Variants in SLX4IP observed in about 807,000 individuals in gnomAD.
SLX4IP encodes protein SLX4IP.
A neutral mutation model predicts 32.9 loss-of-function variants in SLX4IP; 34 were observed. That is an observed-to-expected ratio of 1.03 (90% CI 0.79 to 1.38). The LOEUF is 1.38. SLX4IP is among the 40% of genes most tolerant of loss of function. The probability of loss-of-function intolerance (pLI) is 0.00; values close to 1 mark genes in which losing one functional copy is unlikely to be tolerated. For synonymous variants in SLX4IP, 172 were observed against 171.7 expected (o/e 1.00, Z -0.01); for missense variants, 444 against 479.0 (o/e 0.93, Z 0.68).
chr20:10,532,909 G>A lies in SLX4IP; in HGVS notation c.28-23322G>A, dbSNP rs563381203. On this transcript the variant is annotated intron_variant, in intron 2 of 7. Transcript: ENST00000334534. ...TCCTGCCTCAGCCTCCCAAGTAACT[G>A]AGATTACAGATGTCTGCCACTATGC... 2.6e-5 allele frequency among the ~76,000 whole-genome samples: 4 copies of A among 151,934 alleles called. No individual in the cohort carries two copies. The South Asian group carries it at 8.3e-4, about 32-fold the overall frequency.
At chr20:10,590,625 T>G (rs141821623) in intron 4 of SLX4IP, among the ~76,000 whole-genome samples, 163 of 152,266 alleles carry the variant, frequency 1.1e-3, no homozygotes, top group Middle Eastern at 0.01. Flanking sequence ...CCTCTCAAAG[T>G]GCTAGAATTA....
intron 4 of SLX4IP, among the ~76,000 whole-genome samples, chr20:10,585,944 T>C (rs576923404): frequency 5.3e-5 from 8 of 152,256 alleles, no homozygotes; most frequent in Non-Finnish European, 8.8e-5. Context: ...AGAAATCTCA[T>C]TGATCCTCAT....
At chr20:10,475,214 G>A (rs1367993369) in intron 2 of SLX4IP, among the ~76,000 whole-genome samples, 1 of 152,208 alleles carries the variant, frequency 6.6e-6, no homozygotes, top group East Asian at 1.9e-4. Flanking sequence ...GGTGTATTGA[G>A]GTCATGCATA....
intron 2 of SLX4IP, among the ~76,000 whole-genome samples, chr20:10,462,454 T>A (rs975672621): frequency 1.3e-5 from 2 of 152,116 alleles, no homozygotes; most frequent in African/African-American, 2.4e-5. Context: ...AGACAGAGAA[T>A]CAAGAATCAG....
At chr20:10,458,319 A>T (rs1250197758) in intron 2 of SLX4IP, 88 bp downstream of exon 2, 8 of 1,343,644 alleles carry the variant, frequency 6.0e-6, no homozygotes, top group Non-Finnish European at 8.1e-6. Flanking sequence ...CGAGGTTCCT[A>T]ACTTTCTGCT....
intron 2 of SLX4IP, among the ~76,000 whole-genome samples, chr20:10,490,660 A>G (rs979408031): frequency 3.3e-5 from 5 of 152,028 alleles, no homozygotes. Context: ...TTGAAACCCA[A>G]CCCATCTGTG....
chr20:10,528,718 G>A (rs915540959), intron 2 of SLX4IP, among the ~76,000 whole-genome samples: 3 of 152,128 alleles, frequency 2.0e-5, no homozygotes, highest in Non-Finnish European at 4.4e-5. Context: ...AGACTCAGAA[G>A]AGAAAATCTT....
intron 2 of SLX4IP, among the ~76,000 whole-genome samples, chr20:10,486,363 A>G (rs1306327686): frequency 1.3e-5 from 2 of 152,114 alleles, no homozygotes; most frequent in Non-Finnish European, 2.9e-5. Flanking sequence ...TTAGACTATT[A>G]GAACGGTAGT....
chr20:10,510,602 T>TA, intron 2 of SLX4IP, among the ~76,000 whole-genome samples: 5 of 129,598 alleles, frequency 3.9e-5, no homozygotes, highest in African/African-American at 1.3e-4. Flanking sequence ...TTATTATTAT[T>TA]TTTATTATTT....
At chr20:10,518,297 C>T (rs1000404695) in intron 2 of SLX4IP, among the ~76,000 whole-genome samples, 6 of 152,214 alleles carry the variant, frequency 3.9e-5, no homozygotes, top group South Asian at 2.1e-4. Context: ...TGAGTCTTGA[C>T]GCTCTGGATG....
rs756656585 is a variant in SLX4IP, at chr20:10,616,386, A to AAATTAAAT, written c.406-4926_406-4925insTTAAATAA. 2.3e-3 allele frequency among the ~76,000 whole-genome samples: 257 copies of AAATTAAAT among 111,150 alleles called. 1 individual carries two copies. The highest frequency in any genetic ancestry group is 3.3e-3 in the Non-Finnish European group (189 of 56,446). 72.9% of individuals were successfully genotyped at this position (111,150 alleles called of 152,430 possible). A position where few individuals can be genotyped will look rare whatever the true frequency, so the allele number is the denominator to read the frequency against. ...TTTAAAATGTCAAGTCCCAAAAAAA[A>AAATTAAAT]AAATGAAATAAATAAATAAATAAAT... On this transcript the variant is annotated intron_variant, in intron 6 of 7. Transcript: ENST00000334534.
At chr20:10,608,826 T>G (rs1244878640) in intron 6 of SLX4IP, among the ~76,000 whole-genome samples, 1 of 152,168 alleles carries the variant, frequency 6.6e-6, no homozygotes, top group East Asian at 1.9e-4. Flanking sequence ...TTCTCCTTCC[T>G]GCTTGAAAGG....
intron 2 of SLX4IP, among the ~76,000 whole-genome samples, chr20:10,523,043 C>G (rs1290869797): frequency 6.6e-6 from 1 of 152,122 alleles, no homozygotes; most frequent in Non-Finnish European, 1.5e-5. Flanking sequence ...TCTTCCCTGC[C>G]TTTGCTTGAC....
intron 2 of SLX4IP, among the ~76,000 whole-genome samples, chr20:10,487,718 G>C (rs771223596): frequency 2.6e-5 from 4 of 152,156 alleles, no homozygotes; most frequent in Non-Finnish European, 4.4e-5. Context: ...TGAGATGCTC[G>C]AGAGGGCGGT....
At chr20:10,558,341 C>CAAAAAAAA (rs36028561) in intron 3 of SLX4IP, among the ~76,000 whole-genome samples, 2 of 79,544 alleles carry the variant, frequency 2.5e-5, no homozygotes, top group African/African-American at 5.1e-5. Context: ...GACCCTGTCT[C>CAAAAAAAA]AAAAAAAAAA....
chr20:10,516,714 T>G (rs1438091198), intron 2 of SLX4IP, among the ~76,000 whole-genome samples: 1 of 152,220 alleles, frequency 6.6e-6, no homozygotes, highest in Non-Finnish European at 1.5e-5. Flanking sequence ...TGCTGTGATT[T>G]TTTTCAGAAG....
At chr20:10,533,938 A>T (rs551001878) in intron 2 of SLX4IP, among the ~76,000 whole-genome samples, 3 of 150,954 alleles carry the variant, frequency 2.0e-5, no homozygotes, top group Admixed American at 2.0e-4. Context: ...TTTTTAAAAA[A>T]TTTTCACCAT....
intron 6 of SLX4IP, among the ~76,000 whole-genome samples, chr20:10,619,224 T>C (rs1460815835): frequency 1.3e-5 from 2 of 150,216 alleles, no homozygotes; most frequent in East Asian, 1.9e-4. Context: ...TTTCTTTTTT[T>C]TTTTTTTTTG....
chr20:10,616,969 C>T (rs1382924050), intron 6 of SLX4IP, among the ~76,000 whole-genome samples: 1 of 152,188 alleles, frequency 6.6e-6, no homozygotes, highest in Non-Finnish European at 1.5e-5. Context: ...GGATTCTGCT[C>T]AGTTATCAAT....
Sources: allele counts gnomAD v4.1 joint callset (sites outside exome capture counted in the v4.1 genomes callset), GRCh38; gene constraint gnomAD v4.1.1; transcripts MANE v1.5; gene names NCBI Gene and HGNC (gene_info 2026-07-23, HGNC 2026-07-21).